PIP4K2A: variants seen among roughly 807,000 people sequenced by gnomAD.
PIP4K2A encodes the protein phosphatidylinositol 5-phosphate 4-kinase type-2 alpha.
In PIP4K2A, 14 loss-of-function variants were observed where a neutral mutation model predicts 42.9. The ratio of observed to expected loss-of-function variants is 0.33; its 90% confidence interval spans 0.22 to 0.51. The LOEUF (loss-of-function observed/expected upper bound fraction) is 0.51. Ranked by LOEUF, PIP4K2A falls within the 20% of genes least tolerant of loss-of-function variation. The pLI is 0.97. For missense variants in PIP4K2A, 434 were observed against 519.8 expected (o/e 0.83, Z 1.61); for synonymous variants, 192 against 192.2 (o/e 1.00, Z 0.01).
intron 6 of PIP4K2A, among the ~76,000 whole-genome samples, chr10:22,565,485 C>T (rs574686339): frequency 2.0e-4 from 30 of 152,296 alleles, no homozygotes; most frequent in Middle Eastern, 3.4e-3. Context: ...CCAATCAATA[C>T]CCTTGTGCTT....
intron 1 of PIP4K2A, among the ~76,000 whole-genome samples, chr10:22,664,090 C>CGTATGTATATATAT (rs1425281380): frequency 1.6e-5 from 1 of 64,046 alleles, no homozygotes; most frequent in Non-Finnish European, 2.5e-5. Context: ...TATATATATA[C>CGTATGTATATATAT]ATATATATAT....
At chr10:22,613,180 A>AAT (rs1838095122) in intron 1 of PIP4K2A, among the ~76,000 whole-genome samples, 1 of 152,086 alleles carries the variant, frequency 6.6e-6, no homozygotes. Flanking sequence ...ATTGAACGGC[A>AAT]CAGGAGGTCC....
intron 1 of PIP4K2A, among the ~76,000 whole-genome samples, chr10:22,685,062 T>C (rs1444563404): frequency 2.6e-5 from 4 of 152,148 alleles, no homozygotes; most frequent in African/African-American, 4.8e-5. Context: ...AGATCTGCCA[T>C]GTATATATTT....
intron 1 of PIP4K2A, among the ~76,000 whole-genome samples, chr10:22,667,686 T>C (rs1386653212): frequency 6.6e-6 from 1 of 152,182 alleles, no homozygotes; most frequent in Non-Finnish European, 1.5e-5. Context: ...CCTTTATTTT[T>C]TAACTAGAAA....
At chr10:22,631,076 T>C (rs1046993866) in intron 1 of PIP4K2A, among the ~76,000 whole-genome samples, 4 of 152,188 alleles carry the variant, frequency 2.6e-5, no homozygotes, top group African/African-American at 9.6e-5. Flanking sequence ...CACGGTATAC[T>C]AACACACCAC....
intron 5 of PIP4K2A, among the ~76,000 whole-genome samples, chr10:22,571,256 A>G (rs192811478): frequency 1.4e-3 from 209 of 152,342 alleles, no homozygotes; most frequent in African/African-American, 4.9e-3. Flanking sequence ...GTTTGCTACA[A>G]AATGAATGAA....
At chr10:22,678,596 T>C (rs1839605411) in intron 1 of PIP4K2A, among the ~76,000 whole-genome samples, 1 of 152,244 alleles carries the variant, frequency 6.6e-6, no homozygotes, top group African/African-American at 2.4e-5. Flanking sequence ...ATGAGTTTGC[T>C]GTGATGAAAA....
At position 22,555,338 on chromosome 10, in the gene PIP4K2A, G is replaced by C. The variant is rs140992270; in HGVS notation, c.679-4566C>G. ...CTTTAAAGGGGGATTTGCAAACATA[G>C]GGTTGTGAGGGTTGCATGAGTTCAC... On this transcript the variant is annotated intron_variant, in intron 6 of 9. Coordinates refer to ENST00000376573, the MANE Select transcript of PIP4K2A (RefSeq NM_005028.5). Among the ~76,000 whole-genome samples the C allele has an allele frequency of 7.3e-3, 1,105 of 152,316 alleles. 8 individuals are homozygous for C. The highest frequency in any genetic ancestry group is 0.024 in the Middle Eastern group (7 of 294).
chr10:22,557,140 T>G (rs1053660239), intron 6 of PIP4K2A, among the ~76,000 whole-genome samples: 4 of 151,742 alleles, frequency 2.6e-5, no homozygotes, highest in Non-Finnish European at 5.9e-5. Flanking sequence ...GGCCAGGGGG[T>G]TGGGATTAAA....
chr10:22,683,089 A>C (rs993616404), intron 1 of PIP4K2A, among the ~76,000 whole-genome samples: 3 of 150,114 alleles, frequency 2.0e-5, no homozygotes, highest in Non-Finnish European at 4.4e-5. Flanking sequence ...ACAACAACAA[A>C]AACAGCTGAC....
intron 1 of PIP4K2A, among the ~76,000 whole-genome samples, chr10:22,630,650 T>G (rs1838528865): frequency 6.6e-6 from 1 of 152,210 alleles, no homozygotes; most frequent in Non-Finnish European, 1.5e-5. Flanking sequence ...TTTTAGACAT[T>G]AGCAAATATA....
intron 1 of PIP4K2A, among the ~76,000 whole-genome samples, chr10:22,705,117 A>G (rs150803347): frequency 2.6e-4 from 39 of 152,144 alleles, no homozygotes; most frequent in African/African-American, 9.4e-4. Flanking sequence ...GGGGGACAGG[A>G]CACTAGGTGA....
intron 1 of PIP4K2A, among the ~76,000 whole-genome samples, chr10:22,690,423 A>G (rs185629906): frequency 6.6e-6 from 1 of 152,230 alleles, no homozygotes; most frequent in Non-Finnish European, 1.5e-5. Context: ...CTACTTGGAA[A>G]TCATTAACTC....
At chr10:22,641,585 G>A (rs1838784000) in intron 1 of PIP4K2A, among the ~76,000 whole-genome samples, 1 of 151,604 alleles carries the variant, frequency 6.6e-6, no homozygotes, top group African/African-American at 2.4e-5. Flanking sequence ...GGGACTACAG[G>A]TACGTGCAAC....
chr10:22,689,165 T>C lies in PIP4K2A; in HGVS notation c.144+25018A>G, dbSNP rs894659269. 5.3e-5 allele frequency among the ~76,000 whole-genome samples: 8 copies of C among 152,110 alleles called. No homozygotes were observed. The South Asian group carries it at 1.7e-3, about 32-fold the overall frequency. ...GGTCCCACTGTCCTTCCTCCCCTCC[T>C]CACTCCCCAAGCTGCCCCTCACCCC... is the stretch of plus-strand genomic sequence containing the variant. On this transcript the variant is annotated intron_variant, in intron 1 of 9. Coordinates refer to ENST00000376573, the MANE Select transcript of PIP4K2A (RefSeq NM_005028.5).
chr10:22,592,234 C>T (rs1336733875), intron 3 of PIP4K2A, among the ~76,000 whole-genome samples: 3 of 152,104 alleles, frequency 2.0e-5, no homozygotes, highest in African/African-American at 7.2e-5. Flanking sequence ...GCAATGGTTA[C>T]GATTGCTATC....
rs114336092 is a variant in PIP4K2A at position 22,577,880 on chromosome 10, G to C, written c.493-4423C>G. On this transcript the variant is annotated intron_variant, in intron 4 of 9. Coordinates refer to ENST00000376573, the MANE Select transcript of PIP4K2A (RefSeq NM_005028.5). The stretch of plus-strand genomic sequence containing the variant: ...CTCAATTGCAGAGATGCACGGTCTG[G>C]CACCGCCTGGATCCTGGCTTGAACG... 1.8e-3 allele frequency among the ~76,000 whole-genome samples: 276 copies of C among 152,312 alleles called. 1 individual carries two copies. Among genetic ancestry groups the C allele is most frequent in the African/African-American group, 6.2e-3 (258 of 41,564 alleles).
chr10:22,543,781 C>A (rs140611831), intron 7 of PIP4K2A, among the ~76,000 whole-genome samples: 7 of 152,204 alleles, frequency 4.6e-5, no homozygotes, highest in Admixed American at 4.6e-4. Context: ...TTGAGTCCTC[C>A]ACCCGCACGG....
chr10:22,566,793 C>A (rs1372216539), intron 6 of PIP4K2A, among the ~76,000 whole-genome samples: 1 of 152,214 alleles, frequency 6.6e-6, no homozygotes, highest in African/African-American at 2.4e-5. Flanking sequence ...CCCTGCCCAG[C>A]CTGAGCCAGG....
Sources: allele counts gnomAD v4.1 joint callset (sites outside exome capture counted in the v4.1 genomes callset), GRCh38; gene constraint gnomAD v4.1.1; transcripts MANE v1.5; gene names NCBI Gene and HGNC (gene_info 2026-07-23, HGNC 2026-07-21).